HERC2: variants seen among roughly 807,000 people sequenced by gnomAD.
HERC2 encodes the protein HECT and RLD domain containing E3 ubiquitin protein ligase 2.
HERC2 carries 102 observed loss-of-function variants against 537.7 expected under a neutral mutation model. That is an observed-to-expected ratio of 0.19 (90% confidence interval 0.16 to 0.22). HERC2 has a LOEUF of 0.22. Ranked by LOEUF, HERC2 falls within the 10% of genes least tolerant of loss-of-function variation. HERC2 has a pLI of 1.00. For synonymous variants in HERC2, 2,224 were observed against 2,466.2 expected (o/e 0.90, Z 2.91); for missense variants, 4,236 against 6,198.2 (o/e 0.68, Z 10.63).
chr15:28,167,007 A>G (rs1464123060), intron 68 of HERC2, among the ~76,000 whole-genome samples: 2 of 152,256 alleles, frequency 1.3e-5, no homozygotes, highest in Non-Finnish European at 2.9e-5. Flanking sequence ...GGCAACAATT[A>G]CATTCCAGAA....
intron 55 of HERC2, among the ~76,000 whole-genome samples, chr15:28,187,236 T>C (rs977774397): frequency 6.6e-6 from 1 of 152,180 alleles, no homozygotes; most frequent in Non-Finnish European, 1.5e-5. Flanking sequence ...TGACCAATCT[T>C]GTTCAGATAT....
At chr15:28,199,862 C>T (rs1212812943) in intron 48 of HERC2, among the ~76,000 whole-genome samples, 1 of 152,124 alleles carries the variant, frequency 6.6e-6, no homozygotes, top group Non-Finnish European at 1.5e-5. Flanking sequence ...AAGGAAGCCA[C>T]CTCCAAATGC....
intron 58 of HERC2, 41 bp from the exon 59 acceptor site, chr15:28,179,071 A>G (rs754382835): frequency 6.2e-7 from 1 of 1,603,596 alleles, no homozygotes; most frequent in Non-Finnish European, 8.5e-7. Flanking sequence ...TCTTTTCACA[A>G]CATTAAAAAC....
intron 12 of HERC2, among the ~76,000 whole-genome samples, chr15:28,267,154 T>G (rs2075590451): frequency 6.6e-6 from 1 of 152,178 alleles, no homozygotes; most frequent in African/African-American, 2.4e-5. Context: ...GGCCTCTCCT[T>G]TACTCACTTT....
chr15:28,264,277 C>T (rs926108865), intron 14 of HERC2, among the ~76,000 whole-genome samples: 18 of 152,260 alleles, frequency 1.2e-4, no homozygotes, highest in African/African-American at 3.6e-4. Flanking sequence ...ACAGACAGTA[C>T]GTAAATGAGT....
chr15:28,187,319 C>G (rs1039729948), intron 55 of HERC2, among the ~76,000 whole-genome samples: 1 of 151,380 alleles, frequency 6.6e-6, no homozygotes, highest in East Asian at 1.9e-4. Flanking sequence ...TTAAGGAGGT[C>G]TGGTTTTTTT....
In HERC2 at chr15:28,214,659, G is replaced by A; in HGVS notation, c.6354C>T (p.Leu2118=). 1 of 1,611,994 alleles carries A rather than the reference G, an allele frequency of 6.2e-7. No individual in the cohort carries two copies. The highest frequency in any genetic ancestry group is 2.2e-5 in the East Asian group (1 of 44,874). Residue 2118 remains leucine (L), a synonymous_variant, in exon 40 of 93, where the codon CTC becomes CTT. Transcript: ENST00000261609. The part of the protein sequence containing the change: ...LTTCSSDVPL[L]RESTLRRRRV... ...GGAAGGTAGACGGCCACCCACCTCT[G>A]AGTAATGGCACGTCAGAGGAGCAGG...
In HERC2 at chr15:28,213,796, C is replaced by T; in HGVS notation, c.6732G>A (p.Val2244=). The part of the protein sequence containing the change: ...TRITPKGKIT[V]QFSDMRTCRV... ...GACACGTCCGCATGTCAGAGAACTG[C>T]ACGGTGATTTTGCCCTTTGGGGTGA... is the stretch of plus-strand genomic sequence containing the variant. Residue 2244 remains valine (V), a synonymous_variant, in exon 42 of 93, where the codon GTG becomes GTA. Transcript: ENST00000261609. 6.2e-7 allele frequency: 1 copy of T among 1,614,014 alleles called. No individual in the cohort carries two copies. Among genetic ancestry groups the T allele is most frequent in the Non-Finnish European group, 8.5e-7 (1 of 1,179,872 alleles).
chr15:28,141,577 C>A lies in HERC2; in HGVS notation c.11870G>T (p.Trp3957Leu). 1 of 1,614,148 alleles carries A rather than the reference C, an allele frequency of 6.2e-7. No individual in the cohort carries two copies. The highest frequency in any genetic ancestry group is 8.5e-7 in the Non-Finnish European group (1 of 1,180,042). The change falls in exon 78 of 93, where the codon TGG becomes TTG. Residue 3957 changes from tryptophan to leucine, a missense_variant. Physicochemically the swap from Trp to Leu is moderately conservative, Grantham distance 61. Around this residue, in one of 27 missense-constraint regions of HERC2, gnomAD observed 156 missense variants for 172.3 expected, o/e 0.91. Transcript: ENST00000261609. ...GAGCTGGCCCCTGTGATTATGTCCCCATCCATAAATTGTTCCACTGCCACC... is the reference window on the plus strand; with the variant it reads ...GAGCTGGCCCCTGTGATTATGTCCCAATCCATAAATTGTTCCACTGCCACC... ...SAGGSGTIYG[W>L]GHNHRGQLGG...
chr15:28,294,549 T>G (rs796826030), intron 3 of HERC2, among the ~76,000 whole-genome samples: 1 of 150,036 alleles, frequency 6.7e-6, no homozygotes, highest in African/African-American at 2.5e-5. Flanking sequence ...AGGTCTCCCC[T>G]GAGCTCTGCT....
chr15:28,115,269 T>TA, intron 89 of HERC2, 160 bp downstream of exon 89: 1 of 515,524 alleles, frequency 1.9e-6, no homozygotes, highest in Non-Finnish European at 3.4e-6. Flanking sequence ...TCTATTTTTT[T>TA]TTTTTTTTTT....
intron 64 of HERC2, 88 bp from the exon 65 acceptor site, chr15:28,174,708 G>A (rs533066248): frequency 6.7e-5 from 71 of 1,059,666 alleles, no homozygotes; most frequent in East Asian, 2.0e-4. Context: ...TGCTTAACGC[G>A]TATGCCACGG....
intron 39 of HERC2, 115 bp downstream of exon 39, chr15:28,215,506 C>T (rs1173005043): frequency 9.1e-6 from 7 of 767,690 alleles, no homozygotes; most frequent in African/African-American, 1.8e-5. Flanking sequence ...TACCCTGTCA[C>T]TTCTAGACCC....
chr15:28,213,820 G>A lies in HERC2; in HGVS notation c.6708C>T (p.Ile2236=), dbSNP rs763143729. The A allele has an allele frequency of 5.6e-6, 9 of 1,614,018 alleles. No homozygotes were observed. The highest frequency in any genetic ancestry group is 7.6e-6 in the Non-Finnish European group (9 of 1,179,880). ...DEFGEGTVTR[I]TPKGKITVQF... is the part of the protein sequence containing the mutation. ...GCACGGTGATTTTGCCCTTTGGGGT[G>A]ATGCGAGTCACAGTGCCTTCTCCAA... The change falls in exon 42 of 93, where the codon ATC becomes ATT. Residue 2236 remains isoleucine (I), a synonymous_variant. Coordinates refer to ENST00000261609, the MANE Select transcript of HERC2 (RefSeq NM_004667.6).
chr15:28,224,236 A>C (rs1316425159), intron 35 of HERC2, among the ~76,000 whole-genome samples: 1 of 150,474 alleles, frequency 6.6e-6, no homozygotes, highest in African/African-American at 2.4e-5. Flanking sequence ...CCAAGACAGG[A>C]TTTCACTTTG....
chr15:28,285,803 C>CAAAAAAAAAAAAAAA (rs3079904), intron 4 of HERC2, among the ~76,000 whole-genome samples: 9 of 72,354 alleles, frequency 1.2e-4, no homozygotes, highest in African/African-American at 3.9e-4. Context: ...GCATGACTGA[C>CAAAAAAAAAAAAAAA]AAAAAAAAAA....
intron 21 of HERC2, 95 bp from the exon 22 acceptor site, chr15:28,246,992 CT>C: frequency 1.9e-6 from 2 of 1,047,112 alleles, no homozygotes; most frequent in Non-Finnish European, 2.8e-6. Flanking sequence ...ATCTACACAT[CT>C]TTTACCCATA....
chr15:28,258,951 CTT>C (rs1383220305), intron 16 of HERC2, among the ~76,000 whole-genome samples: 3 of 152,156 alleles, frequency 2.0e-5, no homozygotes, highest in African/African-American at 7.2e-5. Context: ...CTAAGGAAAA[CTT>C]GACACGTAAA....
At chr15:28,284,954 ATTACC>A in intron 4 of HERC2, among the ~76,000 whole-genome samples, 1 of 150,340 alleles carries the variant, frequency 6.7e-6, no homozygotes, top group African/African-American at 2.4e-5. Flanking sequence ...AAAAAAGATA[ATTACC>A]AGGAACAGAT....
Sources: allele counts gnomAD v4.1 joint callset (sites outside exome capture counted in the v4.1 genomes callset), GRCh38; gene constraint gnomAD v4.1.1; regional missense constraint gnomAD v4.1.1; transcripts MANE v1.5; gene names NCBI Gene and HGNC (gene_info 2026-07-23, HGNC 2026-07-21).